The following CAMKMT variants were observed in gnomAD, a reference collection of about 807,000 sequenced individuals.
CAMKMT encodes CaM KMT.
Under a neutral mutation model 48.0 loss-of-function variants are expected in CAMKMT, and 53 were observed. That is an observed-to-expected ratio of 1.10 (90% CI 0.89 to 1.39). The LOEUF (loss-of-function observed/expected upper bound fraction) is 1.39. CAMKMT is among the 40% of genes most tolerant of loss of function. The pLI is 0.00. For missense variants in CAMKMT, 428 were observed against 402.7 expected, an observed-to-expected ratio of 1.06 and a Z score of -0.54; for synonymous variants, 165 against 152.3, an observed-to-expected ratio of 1.08 and a Z score of -0.61.
In CAMKMT at chr2:44,604,279, A is replaced by G. The variant is rs1021411938; in HGVS notation, c.377-100004A>G. 4.6e-5 allele frequency among the ~76,000 whole-genome samples: 7 copies of G among 152,142 alleles called. No individual in the cohort carries two copies. The South Asian group carries it at 1.5e-3, about 32-fold the overall frequency. Reference sequence around the variant, plus strand: ...TAGAAATTACTTTTCTTGTTTGTTTACTATAAACACAAGACTATCTGCTAA... The same window carrying G: ...TAGAAATTACTTTTCTTGTTTGTTTGCTATAAACACAAGACTATCTGCTAA... On this transcript the variant is annotated intron_variant, in intron 3 of 10. Coordinates refer to ENST00000378494, the MANE Select transcript of CAMKMT (RefSeq NM_024766.5).
intron 2 of CAMKMT, among the ~76,000 whole-genome samples, chr2:44,383,713 A>G (rs1023243582): frequency 1.3e-5 from 2 of 152,124 alleles, no homozygotes; most frequent in East Asian, 3.8e-4. Context: ...CCCACATATC[A>G]GTGAGAATAT....
At chr2:44,579,232 T>TA (rs1204675489) in intron 3 of CAMKMT, among the ~76,000 whole-genome samples, 2 of 22,760 alleles carry the variant, frequency 8.8e-5, no homozygotes, top group African/African-American at 2.7e-4. Context: ...TAATGTTCTA[T>TA]TTTTTTTTTG....
intron 3 of CAMKMT, among the ~76,000 whole-genome samples, chr2:44,701,039 A>G (rs768333817): frequency 6.6e-6 from 1 of 152,226 alleles, no homozygotes; most frequent in Admixed American, 6.5e-5. Context: ...TCCGTTAGTC[A>G]GTTGATGGAC....
At chr2:44,690,992 C>T (rs901021370) in intron 3 of CAMKMT, among the ~76,000 whole-genome samples, 1 of 151,842 alleles carries the variant, frequency 6.6e-6, no homozygotes, top group African/African-American at 2.4e-5. Flanking sequence ...AAAATAACAA[C>T]AATAATAATA....
intron 7 of CAMKMT, among the ~76,000 whole-genome samples, chr2:44,740,808 TAA>T (rs1393471766): frequency 2.6e-5 from 4 of 152,168 alleles, no homozygotes. Flanking sequence ...TCATGAAATT[TAA>T]GCTGAGCAAG....
At chr2:44,405,301 C>G (rs921816759) in intron 3 of CAMKMT, among the ~76,000 whole-genome samples, 5 of 151,970 alleles carry the variant, frequency 3.3e-5, no homozygotes, top group Admixed American at 2.6e-4. Flanking sequence ...GACAGCTGTA[C>G]TTCCATTACT....
chr2:44,521,737 G>A (rs1164723143), intron 3 of CAMKMT, among the ~76,000 whole-genome samples: 2 of 152,182 alleles, frequency 1.3e-5, no homozygotes, highest in African/African-American at 4.8e-5. Context: ...AGGTTATAAT[G>A]TCAGCTACTG....
chr2:44,608,939 T>A (rs2103888004), intron 3 of CAMKMT, among the ~76,000 whole-genome samples: 1 of 152,358 alleles, frequency 6.6e-6, no homozygotes, highest in South Asian at 2.1e-4. Flanking sequence ...AATGTAAATC[T>A]CAACATGTCT....
chr2:44,727,957 C>T (rs1038149233), intron 7 of CAMKMT, among the ~76,000 whole-genome samples: 1 of 152,170 alleles, frequency 6.6e-6, no homozygotes, highest in Non-Finnish European at 1.5e-5. Flanking sequence ...GGGTTTTACT[C>T]TGTCACCCAA....
intron 7 of CAMKMT, among the ~76,000 whole-genome samples, chr2:44,736,721 G>A: frequency 6.6e-6 from 1 of 151,748 alleles, no homozygotes; most frequent in East Asian, 1.9e-4. Flanking sequence ...TTTCATTTTG[G>A]ATAGTTTCTA....
In CAMKMT at chr2:44,421,023, C is replaced by G. The variant is rs570239674; in HGVS notation, c.376+30718C>G. ...CTTTGCTTATATCTGCTATATATTT[C>G]CTTTGAATATTTGTTAGGGTAGCAA... On this transcript the variant is annotated intron_variant, in intron 3 of 10. Transcript: ENST00000378494. 7.9e-5 allele frequency among the ~76,000 whole-genome samples: 12 copies of G among 151,990 alleles called. No individual in the cohort carries two copies. In the East Asian group the frequency reaches 2.3e-3, roughly 29 times the overall value.
intron 3 of CAMKMT, among the ~76,000 whole-genome samples, chr2:44,591,053 C>T (rs914851342): frequency 3.3e-5 from 5 of 152,090 alleles, no homozygotes; most frequent in African/African-American, 1.2e-4. Flanking sequence ...TGTCAAAGAT[C>T]AGATAGTTGT....
At chr2:44,493,573 G>C (rs1669616215) in intron 3 of CAMKMT, among the ~76,000 whole-genome samples, 1 of 152,150 alleles carries the variant, frequency 6.6e-6, no homozygotes, top group South Asian at 2.1e-4. Flanking sequence ...TTCTTCATGA[G>C]ATGTGTTTTT....
rs773434568 is a variant in CAMKMT, at chr2:44,372,738, A to G, written c.161A>G (p.Asp54Gly). 13 of 1,613,174 alleles carry G rather than the reference A, an allele frequency of 8.1e-6. No homozygotes were observed. The highest frequency in any genetic ancestry group is 1.6e-4 in the Middle Eastern group (1 of 6,074). The change falls in exon 2 of 11, where the codon GAT becomes GGT. Residue 54 changes from aspartate (D) to glycine (G), a missense_variant. Coordinates refer to ENST00000378494, the MANE Select transcript of CAMKMT (RefSeq NM_024766.5). ...AAGGTTCTGAAGCAAAAACACCTGG[A>G]TGATTGCCTGCGACATGTATCTGTA... ...LRQVLKQKHL[D>G]DCLRHVSVRR...
At chr2:44,375,942 C>T (rs1199891262) in intron 2 of CAMKMT, among the ~76,000 whole-genome samples, 1 of 152,074 alleles carries the variant, frequency 6.6e-6, no homozygotes, top group Non-Finnish European at 1.5e-5. Flanking sequence ...TGTGCCATCA[C>T]ACCTGGCTAA....
At chr2:44,476,078 G>T (rs547368661) in intron 3 of CAMKMT, among the ~76,000 whole-genome samples, 1 of 152,154 alleles carries the variant, frequency 6.6e-6, no homozygotes, top group Admixed American at 6.5e-5. Flanking sequence ...TTAAAGAAAA[G>T]ACTTCTTCAT....
chr2:44,427,232 T>C (rs1684334111), intron 3 of CAMKMT, among the ~76,000 whole-genome samples: 1 of 152,230 alleles, frequency 6.6e-6, no homozygotes, highest in African/African-American at 2.4e-5. Context: ...GGAAATACTC[T>C]TCTGGACATT....
intron 3 of CAMKMT, among the ~76,000 whole-genome samples, chr2:44,669,263 A>G (rs1558783824): frequency 6.6e-6 from 1 of 152,150 alleles, no homozygotes; most frequent in African/African-American, 2.4e-5. Context: ...TATGGTGTAT[A>G]ATTCATTTTT....
intron 3 of CAMKMT, chr2:44,631,638 C>A: frequency 2.3e-6 from 1 of 438,482 alleles, no homozygotes; most frequent in South Asian, 6.8e-5. Context: ...ATAGTTGGGT[C>A]TTGGATTTTG....
Sources: allele counts gnomAD v4.1 joint callset (sites outside exome capture counted in the v4.1 genomes callset), GRCh38; gene constraint gnomAD v4.1.1; transcripts MANE v1.5; gene names NCBI Gene and HGNC (gene_info 2026-07-23, HGNC 2026-07-21).